SLC1A3: variants seen among roughly 807,000 people sequenced by gnomAD.
SLC1A3 encodes the protein solute carrier family 1 member 3, also known as excitatory amino acid transporter 1.
SLC1A3 carries 21 observed loss-of-function variants against 48.1 expected under a neutral mutation model. The ratio of observed to expected loss-of-function variants is 0.44; its 90% confidence interval spans 0.31 to 0.63. SLC1A3 has a LOEUF of 0.63. Among genes scored for constraint, SLC1A3 ranks in the 20% least tolerant of loss-of-function variants. SLC1A3 has a pLI of 0.08. For synonymous variants in SLC1A3, 239 were observed against 251.4 expected (o/e 0.95, Z 0.47); for missense variants, 546 against 689.0 (o/e 0.79, Z 2.32).
chr5:36,631,877 C>G (rs898632450), intron 3 of SLC1A3, among the ~76,000 whole-genome samples: 2 of 152,218 alleles, frequency 1.3e-5, no homozygotes, highest in Non-Finnish European at 2.9e-5. Context: ...ACAAATTACA[C>G]AGACCCCTGG....
intron 3 of SLC1A3, among the ~76,000 whole-genome samples, chr5:36,656,443 G>T (rs909369051): frequency 2.2e-4 from 33 of 152,148 alleles, no homozygotes; most frequent in African/African-American, 7.5e-4. Flanking sequence ...GTTCCCTTAA[G>T]TCTTTTCTCC....
intron 2 of SLC1A3, chr5:36,612,922 A>G (rs772598637): frequency 8.9e-6 from 4 of 447,978 alleles, no homozygotes; most frequent in South Asian, 4.7e-5. Context: ...AACGGAAGAG[A>G]TGGAAAAGAG....
At chr5:36,611,599 C>T (rs912734192) in intron 2 of SLC1A3, among the ~76,000 whole-genome samples, 5 of 152,114 alleles carry the variant, frequency 3.3e-5, no homozygotes, top group Non-Finnish European at 5.9e-5. Flanking sequence ...GCTCATGTAA[C>T]AAGAGCGGTT....
chr5:36,608,825 T>G, intron 2 of SLC1A3: 3 of 1,313,794 alleles, frequency 2.3e-6, no homozygotes, highest in Non-Finnish European at 2.9e-6. Context: ...ATTATGCAAA[T>G]CAATTGTGTG....
intron 3 of SLC1A3, among the ~76,000 whole-genome samples, chr5:36,653,350 C>A (rs967195332): frequency 2.0e-5 from 3 of 152,178 alleles, no homozygotes; most frequent in African/African-American, 7.2e-5. Flanking sequence ...AGCTTTTAGG[C>A]CTTTAATGTG....
chr5:36,677,711 G>A (rs1742270790), intron 6 of SLC1A3, among the ~76,000 whole-genome samples: 2 of 152,322 alleles, frequency 1.3e-5, no homozygotes, highest in African/African-American at 4.8e-5. Context: ...GTGCAGAAAG[G>A]CCTCTGAGGA....
intron 3 of SLC1A3, among the ~76,000 whole-genome samples, chr5:36,652,352 C>T (rs1741116653): frequency 6.6e-6 from 1 of 152,164 alleles, no homozygotes; most frequent in Non-Finnish European, 1.5e-5. Flanking sequence ...ACACAACATT[C>T]ACTCTCCTTC....
In SLC1A3 at chr5:36,608,414, A is replaced by G. The variant is rs775852666; in HGVS notation, c.-10A>G. 1.9e-6 allele frequency: 3 copies of G among 1,613,846 alleles called. No homozygotes were observed. Among genetic ancestry groups the G allele is most frequent in the Admixed American group, 1.7e-5 (1 of 60,014 alleles). On this transcript the variant is annotated 5_prime_UTR_variant, in exon 2 of 10. Coordinates refer to ENST00000265113, the MANE Select transcript of SLC1A3 (RefSeq NM_004172.5). ...AGTGCAAAGAAGAGACCCTCCTAGA[A>G]AAGTAAAATATGACTAAAAGCAATG...
chr5:36,663,380 A>ATTTTTTTTTTTTTTTTTTTTTTTTT lies in SLC1A3; in HGVS notation c.320-7648_320-7624dup, dbSNP rs1156283585. Among the ~76,000 whole-genome samples the ATTTTTTTTTTTTTTTTTTTTTTTTT allele has an allele frequency of 3.2e-4, 22 of 69,330 alleles. 1 individual carries two copies. Among genetic ancestry groups the ATTTTTTTTTTTTTTTTTTTTTTTTT allele is most frequent in the South Asian group, 6.4e-4 (1 of 1,570 alleles). 45.5% of individuals were successfully genotyped at this position (69,330 alleles called of 152,430 possible). On this transcript the variant is annotated intron_variant, in intron 3 of 9. Transcript: ENST00000265113. ...ACAGGCATGCTCCACCACGCCCGGC[A>ATTTTTTTTTTTTTTTTTTTTTTTTT]TTTTTTTTTTTTTTTTTTTTTTTTT...
At chr5:36,663,646 A>G (rs1206297992) in intron 3 of SLC1A3, among the ~76,000 whole-genome samples, 3 of 152,202 alleles carry the variant, frequency 2.0e-5, no homozygotes, top group Non-Finnish European at 4.4e-5. Flanking sequence ...AGTATGTGCC[A>G]TCACACGTGG....
intron 2 of SLC1A3, among the ~76,000 whole-genome samples, chr5:36,610,926 G>A (rs1739167791): frequency 6.6e-6 from 1 of 152,174 alleles, no homozygotes; most frequent in South Asian, 2.1e-4. Context: ...CAGTCAAAGA[G>A]ACCACTGAGT....
chr5:36,640,691 T>C (rs937761565), intron 3 of SLC1A3, among the ~76,000 whole-genome samples: 3 of 152,124 alleles, frequency 2.0e-5, no homozygotes, highest in African/African-American at 7.2e-5. Flanking sequence ...AAGATGATCG[T>C]AAGCTTCCTA....
intron 2 of SLC1A3, among the ~76,000 whole-genome samples, chr5:36,622,999 G>C (rs1739743910): frequency 7.1e-6 from 1 of 140,712 alleles, no homozygotes; most frequent in Non-Finnish European, 1.5e-5. Context: ...GCTACAGAGG[G>C]AGACTCCATC....
intron 3 of SLC1A3, among the ~76,000 whole-genome samples, chr5:36,660,241 T>C (rs1020027779): frequency 6.6e-6 from 1 of 152,174 alleles, no homozygotes; most frequent in African/African-American, 2.4e-5. Context: ...GTCAACCAAA[T>C]GTTACTTCCA....
At chr5:36,636,869 C>T (rs887646918) in intron 3 of SLC1A3, among the ~76,000 whole-genome samples, 1 of 152,118 alleles carries the variant, frequency 6.6e-6, no homozygotes, top group Non-Finnish European at 1.5e-5. Context: ...GAGCAGGAAT[C>T]CCCTCTCCAG....
At chr5:36,605,991 T>C (rs1199865714), upstream of SLC1A3, among the ~76,000 whole-genome samples, 1 of 152,252 alleles carries the variant, frequency 6.6e-6, no homozygotes. Context: ...TTACATTTGC[T>C]ACCTTTTCCG....
intron 2 of SLC1A3, among the ~76,000 whole-genome samples, chr5:36,616,746 G>T (rs1267728608): frequency 1.3e-5 from 2 of 152,124 alleles, no homozygotes; most frequent in South Asian, 2.1e-4. Context: ...CATCTTTCAA[G>T]CAAATAAAAC....
intron 2 of SLC1A3, 198 bp downstream of exon 2, chr5:36,608,802 G>C (rs1739074614): frequency 2.9e-6 from 4 of 1,364,458 alleles, no homozygotes; most frequent in Non-Finnish European, 3.8e-6. Context: ...CACATCATTA[G>C]GCATCATTAG....
At chr5:36,652,739 C>G (rs1042676603) in intron 3 of SLC1A3, among the ~76,000 whole-genome samples, 2 of 152,152 alleles carry the variant, frequency 1.3e-5, no homozygotes, top group Non-Finnish European at 2.9e-5. Context: ...CATAGTGATC[C>G]CCAGATGTAA....
Sources: allele counts gnomAD v4.1 joint callset (sites outside exome capture counted in the v4.1 genomes callset), GRCh38; gene constraint gnomAD v4.1.1; transcripts MANE v1.5; gene names NCBI Gene and HGNC (gene_info 2026-07-23, HGNC 2026-07-21).